STARD4: variants seen among roughly 807,000 people sequenced by gnomAD.
STARD4 encodes the protein StAR related lipid transfer domain containing 4.
STARD4 carries 33 observed loss-of-function variants against 24.9 expected under a neutral mutation model. The observed-to-expected ratio is 1.32, with a 90% CI of 1.00 to 1.77. The LOEUF is 1.77. Ranked by LOEUF, STARD4 falls within the 40% of genes most tolerant of loss-of-function variation. The pLI, the probability that STARD4 is intolerant of heterozygous loss-of-function variation, is 0.00. For synonymous variants in STARD4, 88 were observed against 77.4 expected, an observed-to-expected ratio of 1.14 and a Z score of -0.72; for missense variants, 238 against 249.3, an observed-to-expected ratio of 0.95 and a Z score of 0.31.
rs765652163 is a variant in STARD4, at chr5:111,512,402, C to G, written c.-27G>C. 2 of 152,472 alleles carry G rather than the reference C, an allele frequency of 1.3e-5. No homozygotes were observed. The highest frequency in any genetic ancestry group is 4.8e-5 in the African/African-American group (2 of 41,476). The allele number at this position is 152,472 out of a possible 1,614,324, so 9.4% of individuals were successfully genotyped here. A position where few individuals can be genotyped will look rare whatever the true frequency, so the allele number is the denominator to read the frequency against. On this transcript the variant is annotated 5_prime_UTR_variant, in exon 1 of 6. Transcript: ENST00000296632. ...CTCCTTACCTTTACCTGAGGTGAAG[C>G]AAGGACGTGGAAGCAGCTACGGCGC... is the stretch of plus-strand genomic sequence containing the variant.
At chr5:111,500,920 C>T (rs975132092) in intron 5 of STARD4, 82 bp downstream of exon 5, 28 of 1,609,774 alleles carry the variant, frequency 1.7e-5, no homozygotes, top group Non-Finnish European at 2.1e-5. Flanking sequence ...AAATATATCT[C>T]ACAAGGAAAG....
intron 5 of STARD4, 49 bp downstream of exon 5, chr5:111,500,953 A>G (rs755880805): frequency 6.2e-7 from 1 of 1,611,736 alleles, no homozygotes; most frequent in African/African-American, 1.3e-5. Flanking sequence ...AAGAAAACAC[A>G]AATATTTAAA....
rs1756277005 is a variant in STARD4 at position 111,499,598 on chromosome 5, C to T, written c.*288G>A. 2.9e-6 allele frequency: 1 copy of T among 347,922 alleles called. No individual in the cohort carries two copies. Among genetic ancestry groups the T allele is most frequent in the Non-Finnish European group, 5.3e-6 (1 of 189,340 alleles). 21.6% of individuals were successfully genotyped at this position (347,922 alleles called of 1,614,324 possible). On this transcript the variant is annotated 3_prime_UTR_variant, in exon 6 of 6. Transcript: ENST00000296632. ...ATTCAGGAGGCTGAGGTAGAATAACCCCTTGAGCGGTCAGATCAAAGCTGC... is the reference window on the plus strand; with the variant it reads ...ATTCAGGAGGCTGAGGTAGAATAACTCCTTGAGCGGTCAGATCAAAGCTGC...
At chr5:111,509,747 T>A (rs1580868306) in intron 1 of STARD4, among the ~76,000 whole-genome samples, 1 of 152,114 alleles carries the variant, frequency 6.6e-6, no homozygotes, top group Non-Finnish European at 1.5e-5. Context: ...GTATAGACAA[T>A]AAGCTACCAT....
At chr5:111,503,939 T>C (rs1756655620) in intron 3 of STARD4, among the ~76,000 whole-genome samples, 1 of 152,142 alleles carries the variant, frequency 6.6e-6, no homozygotes, top group South Asian at 2.1e-4. Context: ...AAAGAAAAGA[T>C]GTGCAAAGGA....
Position 111,507,456 on chromosome 5 carries a change from C to T in STARD4, c.-9-14G>A, listed in dbSNP as rs1756949592. 3 of 1,596,976 alleles carry T rather than the reference C, an allele frequency of 1.9e-6. No individual in the cohort carries two copies. On this transcript the variant is annotated splice_polypyrimidine_tract_variant and intron_variant, in intron 1 of 5. Coordinates refer to ENST00000296632, the MANE Select transcript of STARD4 (RefSeq NM_139164.3). The surrounding 1 kb of genome is among the most constrained non-coding windows in gnomAD (Gnocchi z 4.4). Reference sequence around the variant, plus strand: ...CATTACTTCTCTCTGTTATGGAGACCAAGATTAGCATCAGCAAATACCACA... The same window carrying T: ...CATTACTTCTCTCTGTTATGGAGACTAAGATTAGCATCAGCAAATACCACA...
intron 1 of STARD4, among the ~76,000 whole-genome samples, chr5:111,508,373 T>C (rs984137235): frequency 2.6e-5 from 4 of 152,134 alleles, no homozygotes; most frequent in African/African-American, 9.7e-5. Flanking sequence ...TGATATGTTA[T>C]TGTCTCAAAA....
At position 111,507,208 on chromosome 5, in the gene STARD4, T is replaced by C; in HGVS notation, c.105+121A>G. The C allele has an allele frequency of 1.3e-6, 1 of 743,806 alleles. No homozygotes were observed. Among genetic ancestry groups the C allele is most frequent in the Non-Finnish European group, 2.2e-6 (1 of 464,872 alleles). The allele number at this position is 743,806 out of a possible 1,614,324, so 46.1% of individuals were successfully genotyped here. On this transcript the variant is annotated intron_variant, in intron 2 of 5. Transcript: ENST00000296632. The surrounding 1 kb of genome is among the most constrained non-coding windows in gnomAD (Gnocchi z 4.4). Reference sequence around the variant, plus strand: ...ATCAACTTTATTAGCTCAATTATTTTTCTTGCATATCCATCCAAAGTATGG... The same window carrying C: ...ATCAACTTTATTAGCTCAATTATTTCTCTTGCATATCCATCCAAAGTATGG...
Position 111,498,320 on chromosome 5 carries a change from G to C in STARD4, c.*1566C>G, listed in dbSNP as rs764347782. The C allele has an allele frequency of 6.6e-6, 1 of 151,912 alleles. No homozygotes were observed. The highest frequency in any genetic ancestry group is 2.4e-5 in the African/African-American group (1 of 41,378). 9.4% of individuals were successfully genotyped at this position (151,912 alleles called of 1,614,324 possible). On this transcript the variant is annotated 3_prime_UTR_variant, in exon 6 of 6. Coordinates refer to ENST00000296632, the MANE Select transcript of STARD4 (RefSeq NM_139164.3). ...GTTGATAAGGACAAAGAGAGCACTA[G>C]AGTAGAGATAGTGGGCAGTTTATTT...
At chr5:111,508,685 G>A (rs1282120914) in intron 1 of STARD4, among the ~76,000 whole-genome samples, 1 of 152,060 alleles carries the variant, frequency 6.6e-6, no homozygotes, top group Admixed American at 6.5e-5. Context: ...ACTAGTTGTC[G>A]CTGCTTTTAG....
At chr5:111,506,165 G>C in intron 3 of STARD4, 165 bp downstream of exon 3, 1 of 304,148 alleles carries the variant, frequency 3.3e-6, no homozygotes, top group Middle Eastern at 9.9e-4. Context: ...CCGCACTCCA[G>C]CCTGGGTGAC....
At chr5:111,510,663 C>A (rs1757194365) in intron 1 of STARD4, among the ~76,000 whole-genome samples, 1 of 152,150 alleles carries the variant, frequency 6.6e-6, no homozygotes, top group African/African-American at 2.4e-5. Flanking sequence ...TTTCTATGCC[C>A]ATGCTTTTGA....
At chr5:111,510,272 A>C (rs1757154585) in intron 1 of STARD4, among the ~76,000 whole-genome samples, 1 of 152,172 alleles carries the variant, frequency 6.6e-6, no homozygotes. Context: ...TCTAGAACCA[A>C]GAGGGTTGGG....
chr5:111,499,852 C>T lies in STARD4; in HGVS notation c.*34G>A. On this transcript the variant is annotated 3_prime_UTR_variant, in exon 6 of 6. Coordinates refer to ENST00000296632, the MANE Select transcript of STARD4 (RefSeq NM_139164.3). ...AGGCCATGTAGCTGAGAGAGTTGAT[C>T]TGTAGTACTACAAGTTTGAATGTAT... The T allele has an allele frequency of 6.4e-7, 1 of 1,571,246 alleles. No homozygotes were observed. Among genetic ancestry groups the T allele is most frequent in the South Asian group, 1.1e-5 (1 of 89,766 alleles).
At chr5:111,509,054 CAA>C (rs1561542206) in intron 1 of STARD4, among the ~76,000 whole-genome samples, 1 of 151,908 alleles carries the variant, frequency 6.6e-6, no homozygotes, top group Non-Finnish European at 1.5e-5. Context: ...TGAGCTCATT[CAA>C]AAAGTCTCTC....
rs1484206673 is a variant in STARD4 at position 111,507,354 on chromosome 5, T to C, written c.80A>G (p.Asp27Gly). 9 of 1,613,262 alleles carry C rather than the reference T, an allele frequency of 5.6e-6. No individual in the cohort carries two copies. Among genetic ancestry groups the C allele is most frequent in the Non-Finnish European group, 7.6e-6 (9 of 1,179,678 alleles). Residue 27 changes from aspartate (D) to glycine (G), a missense_variant, in exon 2 of 6, where the codon GAT becomes GGT. Transcript: ENST00000296632. This position sits in a 1 kb window ranked among gnomAD's most constrained non-coding sequence, Gnocchi z 4.4. The stretch of plus-strand genomic sequence containing the variant: ...CGTTTTCTTAGCAACTCGCCACTTA[T>C]CTTCTTCAATGCTATGGTACTGGAT... ...TLIQYHSIEE[D>G]KWRVAKKTKD...
chr5:111,504,952 T>C, intron 3 of STARD4: 1 of 439,310 alleles, frequency 2.3e-6, no homozygotes, highest in Non-Finnish European at 4.5e-6. Flanking sequence ...TTGCCCTTTT[T>C]GACTTCTGTG....
At chr5:111,510,210 C>T (rs1757147105) in intron 1 of STARD4, among the ~76,000 whole-genome samples, 1 of 152,154 alleles carries the variant, frequency 6.6e-6, no homozygotes, top group Non-Finnish European at 1.5e-5. Context: ...ATCAAAACTG[C>T]TACCTCTGTG....
rs1756918335 is a variant in STARD4, at chr5:111,507,127, T to C, written c.105+202A>G. Among the ~76,000 whole-genome samples the C allele has an allele frequency of 6.6e-6, 1 of 152,204 alleles. No individual in the cohort carries two copies. Among genetic ancestry groups the C allele is most frequent in the Non-Finnish European group, 1.5e-5 (1 of 68,020 alleles). ...TCTTGTCTAATATCCAAAGAGCTAA[T>C]GAAAGCAGTATAGGATTACCACTGA... On this transcript the variant is annotated intron_variant, in intron 2 of 5. Coordinates refer to ENST00000296632, the MANE Select transcript of STARD4 (RefSeq NM_139164.3). The surrounding 1 kb of genome is among the most constrained non-coding windows in gnomAD (Gnocchi z 4.4).
Sources: gnomAD v4.1 joint callset for allele counts (sites outside exome capture counted in the v4.1 genomes callset) on GRCh38, gnomAD v4.1.1 for gene constraint, Gnocchi (gnomAD v3.1) non-coding constraint, MANE v1.5 for transcripts, NCBI Gene and HGNC (gene_info 2026-07-23, HGNC 2026-07-21) for gene names.